Variants in NARS2 observed in about 807,000 individuals in gnomAD.
The protein encoded by NARS2 is asparaginyl-tRNA synthetase 2, mitochondrial.
Under a neutral mutation model 62.9 loss-of-function variants are expected in NARS2, and 60 were observed. That is an observed-to-expected ratio of 0.95 (90% CI 0.77 to 1.18). The LOEUF is 1.18. Ranked by LOEUF, NARS2 falls within the 50% of genes most tolerant of loss-of-function variation. NARS2 has a pLI of 0.00. For synonymous variants in NARS2, 196 were observed against 200.0 expected, an observed-to-expected ratio of 0.98 and a Z score of 0.17; for missense variants, 619 against 576.4, an observed-to-expected ratio of 1.07 and a Z score of -0.76.
intron 10 of NARS2, among the ~76,000 whole-genome samples, chr11:78,466,557 T>C (rs1420290640): frequency 6.6e-6 from 1 of 152,170 alleles, no homozygotes. Context: ...CTCGGCTCAC[T>C]GCAACCTCTG....
intron 11 of NARS2, among the ~76,000 whole-genome samples, chr11:78,460,048 G>A (rs1157308824): frequency 3.3e-5 from 5 of 152,108 alleles, no homozygotes; most frequent in Non-Finnish European, 5.9e-5. Context: ...AATAATATAC[G>A]CAGAGTCTGA....
intron 2 of NARS2, among the ~76,000 whole-genome samples, chr11:78,569,306 C>T (rs1856840223): frequency 6.6e-6 from 1 of 152,100 alleles, no homozygotes; most frequent in African/African-American, 2.4e-5. Flanking sequence ...AATGATAGTA[C>T]ATCTGTTCTA....
At chr11:78,487,427 C>T (rs535860368) in intron 7 of NARS2, among the ~76,000 whole-genome samples, 1 of 150,784 alleles carries the variant, frequency 6.6e-6, no homozygotes, top group South Asian at 2.1e-4. Context: ...GACAGACAGA[C>T]TCGTTAATAA....
chr11:78,450,792 A>T (rs1320624870), intron 11 of NARS2, among the ~76,000 whole-genome samples: 1 of 149,374 alleles, frequency 6.7e-6, no homozygotes, highest in Non-Finnish European at 1.5e-5. Context: ...CTCCTGCCTC[A>T]GCCTCCCGAG....
intron 6 of NARS2, among the ~76,000 whole-genome samples, chr11:78,497,922 G>A (rs1860128590): frequency 6.6e-6 from 1 of 151,946 alleles, no homozygotes; most frequent in Non-Finnish European, 1.5e-5. Context: ...CCTTTAACAT[G>A]TTCTTAATAT....
At chr11:78,485,154 G>A (rs1383042438) in intron 7 of NARS2, among the ~76,000 whole-genome samples, 2 of 152,066 alleles carry the variant, frequency 1.3e-5, no homozygotes, top group South Asian at 2.1e-4. Context: ...CAAACACTGC[G>A]TGTTTTCACT....
In NARS2 at chr11:78,571,380, G is replaced by C. The variant is rs149009700; in HGVS notation, c.206C>G (p.Ser69Cys). The change falls in exon 2 of 14, where the codon TCT becomes TGT. Residue 69 changes from serine to cysteine, a missense_variant. Transcript: ENST00000281038. ...TGCAACAACCTGAAGGCTTTCCAAA[G>C]ATGACCCATCATTTACATGCAGGAA... is the stretch of plus-strand genomic sequence containing the variant. ...VLFLHVNDGS[S>C]LESLQVVADS... The C allele has an allele frequency of 3.1e-4, 502 of 1,613,734 alleles. 3 individuals carry two copies. Among genetic ancestry groups the C allele is most frequent in the South Asian group, 1.3e-3 (117 of 91,056 alleles).
chr11:78,462,055 A>G (rs895079594), intron 11 of NARS2, among the ~76,000 whole-genome samples: 25 of 152,242 alleles, frequency 1.6e-4, no homozygotes, highest in African/African-American at 5.8e-4. Flanking sequence ...CAAAAAAGGA[A>G]GGCTCAAAGT....
chr11:78,516,989 T>C (rs902602931), intron 6 of NARS2, among the ~76,000 whole-genome samples: 2 of 152,180 alleles, frequency 1.3e-5, no homozygotes, highest in African/African-American at 2.4e-5. Flanking sequence ...AGGTTCTGGG[T>C]GACATCATTT....
At chr11:78,548,014 G>GT (rs1418844903) in intron 5 of NARS2, among the ~76,000 whole-genome samples, 1 of 152,166 alleles carries the variant, frequency 6.6e-6, no homozygotes, top group Non-Finnish European at 1.5e-5. Flanking sequence ...GAGTCCAAGA[G>GT]TTTGAGACCA....
rs562466688 is a variant in NARS2 at position 78,472,694 on chromosome 11, G to A, written c.960-3381C>T. 1.4e-4 allele frequency among the ~76,000 whole-genome samples: 21 copies of A among 152,306 alleles called. No individual in the cohort carries two copies. The East Asian group carries it at 3.5e-3, about 25-fold the overall frequency. ...TACAGATTCAATAACTAACAGTGCA[G>A]TCTGCATAAAGGACAACAGTTTCTC... is the stretch of plus-strand genomic sequence containing the variant. On this transcript the variant is annotated intron_variant, in intron 9 of 13. Coordinates refer to ENST00000281038, the MANE Select transcript of NARS2 (RefSeq NM_024678.6).
intron 5 of NARS2, among the ~76,000 whole-genome samples, chr11:78,535,885 G>A (rs1446449124): frequency 6.6e-6 from 1 of 151,918 alleles, no homozygotes; most frequent in Non-Finnish European, 1.5e-5. Context: ...TCAAAGTGCT[G>A]GGATTACAGG....
In NARS2 at chr11:78,574,823, T is replaced by G. The variant is rs1857072331; in HGVS notation, c.-335A>C. The G allele has an allele frequency of 3.5e-6, 1 of 285,550 alleles. No homozygotes were observed. The highest frequency in any genetic ancestry group is 6.6e-6 in the Non-Finnish European group (1 of 150,684). 17.7% of individuals were successfully genotyped at this position (285,550 alleles called of 1,614,324 possible). ...CCCGGGCCGCAACACGCGCAACCAC[T>G]CCTACCACACCACGCCAACGCCGCT... On this transcript the variant is annotated 5_prime_UTR_variant, in exon 1 of 14. Transcript: ENST00000281038.
At chr11:78,480,540 C>T (rs1565226335) in intron 7 of NARS2, among the ~76,000 whole-genome samples, 1 of 151,730 alleles carries the variant, frequency 6.6e-6, no homozygotes, top group Admixed American at 6.6e-5. Flanking sequence ...TAGGTGTGAG[C>T]CACTGCGCCC....
intron 7 of NARS2, among the ~76,000 whole-genome samples, chr11:78,491,969 C>A (rs1382551502): frequency 6.6e-6 from 1 of 151,734 alleles, no homozygotes; most frequent in African/African-American, 2.4e-5. Context: ...AATAAACATC[C>A]CATAATTACA....
At chr11:78,480,211 G>A (rs1859287597) in intron 7 of NARS2, among the ~76,000 whole-genome samples, 1 of 152,020 alleles carries the variant, frequency 6.6e-6, no homozygotes, top group Admixed American at 6.6e-5. Flanking sequence ...AGTGGCATTT[G>A]CTCTAGACAT....
At chr11:78,473,691 T>A (rs889486333) in intron 9 of NARS2, among the ~76,000 whole-genome samples, 1 of 152,230 alleles carries the variant, frequency 6.6e-6, no homozygotes, top group South Asian at 2.1e-4. Flanking sequence ...TATTTCTGTT[T>A]TGTCTCTATC....
chr11:78,461,437 G>A (rs1858390179), intron 11 of NARS2, among the ~76,000 whole-genome samples: 1 of 151,744 alleles, frequency 6.6e-6, no homozygotes, highest in African/African-American at 2.4e-5. Context: ...CATTAATAGT[G>A]CTGATTAGCA....
chr11:78,563,739 G>A (rs552882106), intron 4 of NARS2, among the ~76,000 whole-genome samples: 2 of 140,440 alleles, frequency 1.4e-5, no homozygotes, highest in African/African-American at 2.6e-5. Flanking sequence ...GTTGTGGGAG[G>A]AGAATCCCTT....
Sources: gnomAD v4.1 joint callset for allele counts (sites outside exome capture counted in the v4.1 genomes callset) on GRCh38, gnomAD v4.1.1 for gene constraint, MANE v1.5 for transcripts, NCBI Gene and HGNC (gene_info 2026-07-23, HGNC 2026-07-21) for gene names.